Variants in TBC1D31 observed in about 807,000 individuals in gnomAD.
TBC1D31 encodes the protein WD repeat domain 67.
In TBC1D31, 99 loss-of-function variants were observed where a neutral mutation model predicts 132.9. That is an observed-to-expected ratio of 0.74 (90% CI 0.63 to 0.88). TBC1D31 has a LOEUF of 0.88. TBC1D31 is among the 40% of genes least tolerant of loss of function. The pLI, the probability that TBC1D31 is intolerant of heterozygous loss-of-function variation, is 0.00. For missense variants in TBC1D31, 1,134 were observed against 1,256.6 expected (o/e 0.90, Z 1.48); for synonymous variants, 385 against 419.4 (o/e 0.92, Z 1.00).
At chr8:123,135,556 G>A (rs1304000194) in intron 17 of TBC1D31, among the ~76,000 whole-genome samples, 1 of 152,084 alleles carries the variant, frequency 6.6e-6, no homozygotes, top group Non-Finnish European at 1.5e-5. Context: ...AGCCAAGATT[G>A]TGCACTTCAG....
intron 18 of TBC1D31, 132 bp from the exon 19 acceptor site, chr8:123,142,130 C>T (rs1821765453): frequency 5.2e-6 from 3 of 576,938 alleles, no homozygotes; most frequent in Admixed American, 4.1e-5. Flanking sequence ...TTTAAACACT[C>T]CCAGGTGATT....
chr8:123,073,137 T>C (rs1814081963), intron 1 of TBC1D31: 3 of 524,166 alleles, frequency 5.7e-6, no homozygotes, highest in Non-Finnish European at 1.1e-5. Flanking sequence ...CTCCTGCTTT[T>C]ATGATCACGG....
chr8:123,095,589 C>T (rs944184581), intron 5 of TBC1D31, among the ~76,000 whole-genome samples: 11 of 152,192 alleles, frequency 7.2e-5, no homozygotes, highest in Non-Finnish European at 1.5e-4. Context: ...AGTTTTAATA[C>T]ATTGCAGCTG....
chr8:123,083,033 A>G (rs1036740250), intron 3 of TBC1D31: 5 of 494,752 alleles, frequency 1.0e-5, no homozygotes, highest in Non-Finnish European at 1.8e-5. Context: ...TTGATAATTT[A>G]CTAGAACAAC....
At chr8:123,143,157 G>A (rs933097737) in intron 19 of TBC1D31, among the ~76,000 whole-genome samples, 1 of 152,194 alleles carries the variant, frequency 6.6e-6, no homozygotes, top group Admixed American at 6.5e-5. Context: ...GCGGGGAGAA[G>A]GGAGAGCACA....
chr8:123,147,833 A>G (rs781329209), intron 20 of TBC1D31, among the ~76,000 whole-genome samples: 1 of 152,136 alleles, frequency 6.6e-6, no homozygotes, highest in Non-Finnish European at 1.5e-5. Context: ...CCATTAAGAA[A>G]ATGACATTTT....
the TBC1D31 span, among the ~76,000 whole-genome samples, chr8:123,162,412 G>T: frequency 2.6e-5 from 4 of 152,072 alleles, no homozygotes; most frequent in Non-Finnish European, 5.9e-5. Flanking sequence ...TTCCCTTGCG[G>T]CAAATGGACC....
intron 4 of TBC1D31, among the ~76,000 whole-genome samples, chr8:123,085,831 T>C (rs1216596778): frequency 6.6e-6 from 1 of 152,234 alleles, no homozygotes; most frequent in Admixed American, 6.5e-5. Flanking sequence ...ATTTCTTTTG[T>C]TTTTTTCCAA....
At chr8:123,077,680 T>A (rs544595240) in intron 2 of TBC1D31, among the ~76,000 whole-genome samples, 1 of 152,102 alleles carries the variant, frequency 6.6e-6, no homozygotes, top group Non-Finnish European at 1.5e-5. Flanking sequence ...TTCTGGTACA[T>A]CATGAGGCAA....
At chr8:123,110,595 TG>T (rs1385373212) in intron 10 of TBC1D31, among the ~76,000 whole-genome samples, 1 of 152,122 alleles carries the variant, frequency 6.6e-6, no homozygotes, top group Non-Finnish European at 1.5e-5. Flanking sequence ...CTTCAACAAT[TG>T]CCAACTCATA....
At chr8:123,098,745 G>A (rs1470557954) in intron 6 of TBC1D31, among the ~76,000 whole-genome samples, 1 of 152,180 alleles carries the variant, frequency 6.6e-6, no homozygotes, top group Non-Finnish European at 1.5e-5. Context: ...CTCACTGAAT[G>A]ACTTTTCACA....
intron 10 of TBC1D31, among the ~76,000 whole-genome samples, chr8:123,116,426 G>C (rs1276745056): frequency 6.6e-6 from 1 of 152,172 alleles, no homozygotes; most frequent in Non-Finnish European, 1.5e-5. Context: ...ACGAGAGCCA[G>C]GTTTCTTACT....
chr8:123,074,340 C>T (rs140798241), intron 1 of TBC1D31, among the ~76,000 whole-genome samples: 71 of 152,298 alleles, frequency 4.7e-4, no homozygotes, highest in African/African-American at 1.7e-3. Flanking sequence ...TTTTAAGTGC[C>T]TACTCTGTAT....
the TBC1D31 span, among the ~76,000 whole-genome samples, chr8:123,157,674 G>A: frequency 6.6e-6 from 1 of 152,008 alleles, no homozygotes; most frequent in Non-Finnish European, 1.5e-5. Flanking sequence ...CAAGGAGTTG[G>A]GCGAAGATGC....
chr8:123,125,505 C>T (rs970759348), intron 11 of TBC1D31, among the ~76,000 whole-genome samples: 5 of 152,180 alleles, frequency 3.3e-5, no homozygotes, highest in African/African-American at 1.2e-4. Flanking sequence ...GCTTATAGAA[C>T]AATCAGTCTT....
chr8:123,160,853 C>T, the TBC1D31 span, among the ~76,000 whole-genome samples: 1 of 152,194 alleles, frequency 6.6e-6, no homozygotes, highest in Non-Finnish European at 1.5e-5. Context: ...CCCAATTTTC[C>T]AAGACCTTCT....
At position 123,126,182 on chromosome 8, in the gene TBC1D31, C is replaced by T. The variant is rs1025128680; in HGVS notation, c.1697C>T (p.Thr566Ile). ...CAACACTTCATAGATCATGATATAACCTCCCAGGTAAGAAGCATAAGGTTT... is the reference window on the plus strand; with the variant it reads ...CAACACTTCATAGATCATGATATAATCTCCCAGGTAAGAAGCATAAGGTTT... ...LLQHFIDHDI[T>I]SQLYAWPLLE... is the part of the protein sequence containing the mutation. Residue 566 changes from threonine to isoleucine, a missense_variant, in exon 12 of 22, where the codon ACC (threonine) becomes ATC (isoleucine). By Grantham distance (89) the Thr-to-Ile change is moderately conservative (BLOSUM62 -1). Transcript: ENST00000287380. 2 of 1,607,078 alleles carry T rather than the reference C, an allele frequency of 1.2e-6. No homozygotes were observed. The highest frequency in any genetic ancestry group is 1.7e-6 in the Non-Finnish European group (2 of 1,177,792).
intron 5 of TBC1D31, among the ~76,000 whole-genome samples, chr8:123,094,660 C>T (rs1816679898): frequency 6.6e-6 from 1 of 152,066 alleles, no homozygotes; most frequent in South Asian, 2.1e-4. Flanking sequence ...CTGCCTCAGC[C>T]TCCCAAGTAG....
intron 7 of TBC1D31, among the ~76,000 whole-genome samples, chr8:123,101,849 G>A (rs553908445): frequency 6.6e-6 from 1 of 152,292 alleles, no homozygotes; most frequent in South Asian, 2.1e-4. Flanking sequence ...AGAGCCCTCA[G>A]TGCTTGCCCT....
Sources: gnomAD v4.1 joint callset for allele counts (sites outside exome capture counted in the v4.1 genomes callset) on GRCh38, gnomAD v4.1.1 for gene constraint, MANE v1.5 for transcripts, NCBI Gene and HGNC (gene_info 2026-07-23, HGNC 2026-07-21) for gene names.